Variants in CFAP54 observed in about 807,000 individuals in gnomAD.
CFAP54 encodes cilia- and flagella-associated protein 54.
CFAP54 carries 290 observed loss-of-function variants against 370.4 expected under a neutral mutation model. The ratio of observed to expected loss-of-function variants is 0.78; its 90% CI spans 0.71 to 0.86. CFAP54 has a LOEUF of 0.86. Among genes scored for constraint, CFAP54 ranks in the 40% least tolerant of loss-of-function variants. The probability of loss-of-function intolerance (pLI) is 0.00; values close to 1 mark genes in which losing one functional copy is unlikely to be tolerated. For synonymous variants in CFAP54, 1,206 were observed against 1,236.5 expected (o/e 0.98, Z 0.52); for missense variants, 3,399 against 3,528.7 (o/e 0.96, Z 0.93).
chr12:96,862,515 G>A (rs1959902148), intron 67 of CFAP54, among the ~76,000 whole-genome samples: 1 of 152,076 alleles, frequency 6.6e-6, no homozygotes, highest in African/African-American at 2.4e-5. Flanking sequence ...AATAAATATT[G>A]GAAGAATGAA....
At chr12:96,516,108 G>T (rs1469692764) in intron 5 of CFAP54, among the ~76,000 whole-genome samples, 1 of 151,722 alleles carries the variant, frequency 6.6e-6, no homozygotes, top group East Asian at 1.9e-4. Flanking sequence ...GTAGAGACAG[G>T]GTTTCACCTT....
intron 51 of CFAP54, 56 bp from the exon 52 acceptor site, chr12:96,742,383 G>T: frequency 7.5e-7 from 1 of 1,336,604 alleles, no homozygotes; most frequent in South Asian, 1.2e-5. Flanking sequence ...TTAGTCTTAG[G>T]CTAGAACCTT....
At chr12:96,580,470 A>G (rs1267878828) in intron 20 of CFAP54, 127 bp from the exon 21 acceptor site, 2 of 524,914 alleles carry the variant, frequency 3.8e-6, no homozygotes, top group Non-Finnish European at 6.4e-6. Context: ...AAACCTAAGT[A>G]TATTTGTAAA....
At chr12:96,651,964 A>G (rs561259758) in intron 36 of CFAP54, 149 bp downstream of exon 36, 83 of 615,192 alleles carry the variant, frequency 1.3e-4, no homozygotes, top group Non-Finnish European at 2.0e-4. Context: ...TGTTTACAAT[A>G]TATAACTTGC....
Position 96,765,133 on chromosome 12 carries a change from G to T in CFAP54, c.8196G>T (p.Met2732Ile), listed in dbSNP as rs780951643. 1 of 1,539,084 alleles carries T rather than the reference G, an allele frequency of 6.5e-7. No homozygotes were observed. ...TTATTGGAAAGAAGAATACTAGAAT[G>T]CATAAAGTTAACCAAGTGGCATTAC... ...NLLIGKKNTR[M>I]HKVNQVALPN... Residue 2732 changes from methionine to isoleucine, a missense_variant, in exon 60 of 68, where the codon ATG (methionine) becomes ATT (isoleucine). Coordinates refer to ENST00000524981, the MANE Select transcript of CFAP54 (RefSeq NM_001306084.2).
intron 65 of CFAP54, among the ~76,000 whole-genome samples, chr12:96,826,955 A>G (rs1959121835): frequency 7.7e-6 from 1 of 129,106 alleles, no homozygotes; most frequent in East Asian, 2.2e-4. Context: ...ATGATTATAT[A>G]TAATATGCAA....
intron 38 of CFAP54, among the ~76,000 whole-genome samples, chr12:96,658,899 A>AG: frequency 6.6e-6 from 1 of 152,236 alleles, no homozygotes; most frequent in Non-Finnish European, 1.5e-5. Context: ...TTATCTTTGG[A>AG]GGGGAAGAAA....
At chr12:96,637,370 C>A (rs1386777435) in intron 32 of CFAP54, among the ~76,000 whole-genome samples, 1 of 152,110 alleles carries the variant, frequency 6.6e-6, no homozygotes, top group Admixed American at 6.5e-5. Flanking sequence ...TCATGTAAAG[C>A]TTTGGTTTAG....
chr12:96,753,700 G>A lies in CFAP54; in HGVS notation c.7685-43G>A, dbSNP rs368889120. 2.1e-5 allele frequency: 34 copies of A among 1,585,104 alleles called. 1 individual carries two copies. In the East Asian group the frequency reaches 3.6e-4, roughly 17 times the overall value. ...AACTTGGAGGCTTGTTATAAACACC[G>A]TGTATTTTTTTGTTCTTCCCCACCG... is the stretch of plus-strand genomic sequence containing the variant. On this transcript the variant is annotated intron_variant, in intron 55 of 67. Coordinates refer to ENST00000524981, the MANE Select transcript of CFAP54 (RefSeq NM_001306084.2).
intron 33 of CFAP54, chr12:96,645,274 C>A: frequency 2.5e-6 from 1 of 407,886 alleles, no homozygotes; most frequent in Admixed American, 2.7e-5. Context: ...AATCAATGAG[C>A]AAAAAGCACA....
At chr12:96,622,830 T>G (rs2136467434) in intron 27 of CFAP54, among the ~76,000 whole-genome samples, 1 of 152,346 alleles carries the variant, frequency 6.6e-6, no homozygotes, top group South Asian at 2.1e-4. Context: ...AAATCACCAC[T>G]GTTTTACTGG....
chr12:96,502,023 G>C (rs1022653419), intron 2 of CFAP54, among the ~76,000 whole-genome samples: 1 of 152,130 alleles, frequency 6.6e-6, no homozygotes, highest in Admixed American at 6.6e-5. Context: ...ACACTTTTCA[G>C]TATAAGAAGC....
At chr12:96,516,058 G>A (rs1955230214) in intron 5 of CFAP54, among the ~76,000 whole-genome samples, 1 of 151,828 alleles carries the variant, frequency 6.6e-6, no homozygotes, top group African/African-American at 2.4e-5. Context: ...TGGGACTACA[G>A]GCACCCGCCC....
intron 66 of CFAP54, among the ~76,000 whole-genome samples, chr12:96,852,303 T>A (rs1039854068): frequency 6.6e-6 from 1 of 152,066 alleles, no homozygotes; most frequent in African/African-American, 2.4e-5. Flanking sequence ...AGGTAGATAG[T>A]CTCTATATAT....
chr12:96,684,758 A>G (rs1957306448), intron 41 of CFAP54, 23 bp downstream of exon 41: 2 of 1,552,638 alleles, frequency 1.3e-6, no homozygotes, highest in African/African-American at 2.8e-5. Flanking sequence ...AAGTCTGTAG[A>G]ACAAGGGCAA....
At position 96,714,395 on chromosome 12, in the gene CFAP54, G is replaced by A. The variant is rs73379266; in HGVS notation, c.6725-4048G>A. Among the ~76,000 whole-genome samples the A allele has an allele frequency of 3.4e-3, 516 of 152,250 alleles. 6 individuals carry two copies. Among genetic ancestry groups the A allele is most frequent in the African/African-American group, 0.012 (486 of 41,546 alleles). On this transcript the variant is annotated intron_variant, in intron 48 of 67. Coordinates refer to ENST00000524981, the MANE Select transcript of CFAP54 (RefSeq NM_001306084.2). Reference sequence around the variant, plus strand: ...GAAGTCCACACTGAAGAAATGTTTCGCAATCATTAGTCTATAGATGGTATT... The same window carrying A: ...GAAGTCCACACTGAAGAAATGTTTCACAATCATTAGTCTATAGATGGTATT...
intron 42 of CFAP54, 52 bp from the exon 43 acceptor site, chr12:96,688,864 A>G (rs983709084): frequency 2.1e-5 from 23 of 1,071,416 alleles, no homozygotes; most frequent in Admixed American, 4.4e-5. Flanking sequence ...TTATATCAAA[A>G]TGTTTTTGGA....
chr12:96,553,738 C>A (rs1016703520), intron 15 of CFAP54, among the ~76,000 whole-genome samples: 2 of 151,540 alleles, frequency 1.3e-5, no homozygotes, highest in Non-Finnish European at 2.9e-5. Context: ...TTTTGAAAAT[C>A]ATGATGTAGA....
intron 36 of CFAP54, among the ~76,000 whole-genome samples, chr12:96,652,941 G>A (rs758139205): frequency 2.6e-5 from 4 of 152,218 alleles, no homozygotes; most frequent in Non-Finnish European, 5.9e-5. Flanking sequence ...AGGAAGACAT[G>A]TCAATCATAA....
Sources: gnomAD v4.1 joint callset for allele counts (sites outside exome capture counted in the v4.1 genomes callset) on GRCh38, gnomAD v4.1.1 for gene constraint, MANE v1.5 for transcripts, NCBI Gene and HGNC (gene_info 2026-07-23, HGNC 2026-07-21) for gene names.